The following ZNF519 variants were observed in gnomAD, a reference collection of about 807,000 sequenced individuals.
ZNF519 encodes the protein similar to Zinc finger protein 85 (Zinc finger protein HPF4) (HTF1).
In ZNF519, 7 loss-of-function variants were observed where a neutral mutation model predicts 7.4. The observed-to-expected ratio is 0.94, with a 90% CI of 0.54 to 1.77. The LOEUF (loss-of-function observed/expected upper bound fraction) is 1.77. ZNF519 is among the 40% of genes most tolerant of loss of function. The pLI, the probability that ZNF519 is intolerant of heterozygous loss-of-function variation, is 0.00. For missense variants in ZNF519, 586 were observed against 623.1 expected (o/e 0.94, Z 0.63); for synonymous variants, 179 against 203.3 (o/e 0.88, Z 1.02).
chr18:14,095,244 G>T (rs151021140), downstream of ZNF519, among the ~76,000 whole-genome samples: 93 of 152,302 alleles, frequency 6.1e-4, no homozygotes, highest in African/African-American at 2.0e-3. Flanking sequence ...GGAAACTCCA[G>T]AGGTTTTATG....
chr18:14,125,282 T>C (rs1216236093), intron 1 of ZNF519, among the ~76,000 whole-genome samples: 7 of 152,240 alleles, frequency 4.6e-5, no homozygotes, highest in Non-Finnish European at 8.8e-5. Flanking sequence ...TGGCAATGTC[T>C]GAATAAGTCT....
At chr18:14,078,274 G>C (rs2046056310) in exon 4 of ZNF519, 1 of 152,148 alleles carries the variant, frequency 6.6e-6, no homozygotes, top group Non-Finnish European at 1.5e-5. Flanking sequence ...GAGGACTTCT[G>C]CACATAGGAG....
intron 1 of ZNF519, among the ~76,000 whole-genome samples, chr18:14,129,481 TAGG>T (rs1309571214): frequency 6.6e-6 from 1 of 152,146 alleles, no homozygotes; most frequent in South Asian, 2.1e-4. Context: ...CATCTCACAG[TAGG>T]AGGAGACCTG....
At chr18:14,072,530 AACTCT>A (rs1226641929), downstream of ZNF519, 1 of 152,152 alleles carries the variant, frequency 6.6e-6, no homozygotes, top group Non-Finnish European at 1.5e-5. Flanking sequence ...GGAATATTTC[AACTCT>A]ACTCTGTGCT....
chr18:14,123,146 A>T (rs1464956355), intron 2 of ZNF519: 1 of 254,502 alleles, frequency 3.9e-6, no homozygotes, highest in Admixed American at 4.2e-5. Context: ...ATCTATCTTC[A>T]AATTGTAAGG....
At chr18:14,091,887 T>G (rs2046116060) in intron 2 of ZNF519, among the ~76,000 whole-genome samples, 1 of 152,046 alleles carries the variant, frequency 6.6e-6, no homozygotes, top group East Asian at 1.9e-4. Flanking sequence ...TGGGTATGAA[T>G]GTGGTGGGTG....
At chr18:14,098,887 GGGAATCC>G (rs2046148545), downstream of ZNF519, among the ~76,000 whole-genome samples, 1 of 152,142 alleles carries the variant, frequency 6.6e-6, no homozygotes, top group Admixed American at 6.5e-5. Flanking sequence ...CTATGTTTCA[GGGAATCC>G]AGTAAAGTGA....
intron 2 of ZNF519, among the ~76,000 whole-genome samples, chr18:14,092,672 C>T (rs2046119301): frequency 6.6e-6 from 1 of 152,144 alleles, no homozygotes; most frequent in Non-Finnish European, 1.5e-5. Context: ...CCCCATAAAT[C>T]AGCCTCCAGT....
At chr18:14,072,708 C>G (rs1481193553), downstream of ZNF519, 1 of 152,160 alleles carries the variant, frequency 6.6e-6, no homozygotes, top group Non-Finnish European at 1.5e-5. Context: ...GGAAAACCGG[C>G]TGTTGCTCAT....
intron 2 of ZNF519, among the ~76,000 whole-genome samples, chr18:14,118,991 CA>C (rs1363497497): frequency 1.3e-5 from 2 of 152,148 alleles, no homozygotes; most frequent in African/African-American, 2.4e-5. Flanking sequence ...AGACAAATTT[CA>C]AAACCCTACC....
intron 3 of ZNF519, among the ~76,000 whole-genome samples, chr18:14,083,600 T>C (rs1310339425): frequency 6.6e-6 from 1 of 152,060 alleles, no homozygotes; most frequent in Non-Finnish European, 1.5e-5. Flanking sequence ...AATAATTTAT[T>C]CCATTCTAGT....
At chr18:14,111,615 T>C (rs1408359553) in intron 2 of ZNF519, among the ~76,000 whole-genome samples, 1 of 151,802 alleles carries the variant, frequency 6.6e-6, no homozygotes, top group East Asian at 1.9e-4. Context: ...CTACAACTTA[T>C]ACTGCAGGAA....
At chr18:14,084,438 G>A (rs2046081991) in intron 3 of ZNF519, 1 of 152,176 alleles carries the variant, frequency 6.6e-6, no homozygotes, top group African/African-American at 2.4e-5. Context: ...ACTCCTACAT[G>A]AGGAAAGTGA....
At chr18:14,125,401 T>A (rs1319367760) in intron 1 of ZNF519, among the ~76,000 whole-genome samples, 1 of 152,218 alleles carries the variant, frequency 6.6e-6, no homozygotes, top group Non-Finnish European at 1.5e-5. Context: ...CATTATGTGT[T>A]AATTCTCATA....
At chr18:14,077,555 G>C (rs2046052457) in intron 4 of ZNF519, 1 of 152,158 alleles carries the variant, frequency 6.6e-6, no homozygotes, top group African/African-American at 2.4e-5. Context: ...TACACACTTG[G>C]GGAGCTGAAG....
chr18:14,105,182 A>G lies in ZNF519; in HGVS notation c.1358T>C (p.Ile453Thr), dbSNP rs1384985173. 3 of 1,571,634 alleles carry G rather than the reference A, an allele frequency of 1.9e-6. No homozygotes were observed. The East Asian group carries it at 6.7e-5, about 35-fold the overall frequency. ...TTTGAAAGACTTCTCTCCAGTATGG[A>G]TTCTTTGATGTCGAGTAAGGTGTGA... is the stretch of plus-strand genomic sequence containing the variant. ...RGSHLTRHQR[I>T]HTGEKSFKCE... The change falls in exon 3 of 3, where the codon ATC becomes ACC. Residue 453 changes from isoleucine (I) to threonine (T), a missense_variant. Coordinates refer to ENST00000590202, the MANE Select transcript of ZNF519 (RefSeq NM_145287.4).
downstream of ZNF519, chr18:14,071,679 GTAT>G (rs1423763105): frequency 2.0e-5 from 3 of 151,998 alleles, no homozygotes; most frequent in Non-Finnish European, 2.9e-5. Flanking sequence ...ATAAACGCAG[GTAT>G]AATTACAAGA....
At chr18:14,076,112 G>A (rs1329816257) in exon 5 of ZNF519, 1 of 152,056 alleles carries the variant, frequency 6.6e-6, no homozygotes, top group Admixed American at 6.6e-5. Context: ...AAGAGGCAGA[G>A]TCCGGAGCTG....
chr18:14,084,167 C>T (rs1227317582), intron 3 of ZNF519: 4 of 152,222 alleles, frequency 2.6e-5, no homozygotes, highest in Admixed American at 2.0e-4. Context: ...AGGGAGAAGA[C>T]AGAACAATCA....
Sources: allele counts gnomAD v4.1 joint callset (sites outside exome capture counted in the v4.1 genomes callset), GRCh38; gene constraint gnomAD v4.1.1; transcripts MANE v1.5; gene names NCBI Gene and HGNC (gene_info 2026-07-23, HGNC 2026-07-21).